Variants in GABRG3 observed in about 807,000 individuals in gnomAD.
The protein encoded by GABRG3 is gamma-aminobutyric acid type A receptor subunit gamma3.
In GABRG3, 25 loss-of-function variants were observed where a neutral mutation model predicts 48.8. That is an observed-to-expected ratio of 0.51 (90% CI 0.37 to 0.72). The LOEUF (loss-of-function observed/expected upper bound fraction) is 0.72. Among genes scored for constraint, GABRG3 ranks in the 30% least tolerant of loss-of-function variants. The probability of loss-of-function intolerance (pLI) is 0.00; values close to 1 mark genes in which losing one functional copy is unlikely to be tolerated. For missense variants in GABRG3, 394 were observed against 577.9 expected (o/e 0.68, Z 3.26); for synonymous variants, 227 against 217.6 (o/e 1.04, Z -0.38).
At chr15:27,353,597 C>A (rs1894722522) in intron 5 of GABRG3, among the ~76,000 whole-genome samples, 1 of 152,028 alleles carries the variant, frequency 6.6e-6, no homozygotes, top group Admixed American at 6.6e-5. Flanking sequence ...GTGTGCACCA[C>A]CACATCTGGC....
intron 3 of GABRG3, among the ~76,000 whole-genome samples, chr15:27,032,380 A>G (rs1262878067): frequency 3.3e-5 from 5 of 152,138 alleles, no homozygotes; most frequent in Non-Finnish European, 5.9e-5. Context: ...CTGATGTATT[A>G]GTCTGTTTGT....
intron 5 of GABRG3, among the ~76,000 whole-genome samples, chr15:27,354,077 G>A (rs957516781): frequency 4.6e-5 from 7 of 152,168 alleles, no homozygotes; most frequent in Non-Finnish European, 8.8e-5. Flanking sequence ...CTTTGGCTCA[G>A]ATCCAGGCCT....
chr15:27,032,158 T>G (rs74988805), intron 3 of GABRG3, among the ~76,000 whole-genome samples: 29,593 of 152,114 alleles, frequency 0.19, 3,102 homozygotes, highest in Middle Eastern at 0.22. Context: ...TCTGTGATGT[T>G]TTAAAGCTGT....
At chr15:27,530,798 ATAGCAAGGGAC>A in intron 9 of GABRG3, 1 of 456,386 alleles carries the variant, frequency 2.2e-6, no homozygotes, top group East Asian at 7.0e-5. Flanking sequence ...TTCCATCCAC[ATAGCAAGGGAC>A]TACACAGAGG....
intron 5 of GABRG3, among the ~76,000 whole-genome samples, chr15:27,478,052 A>C (rs1889999783): frequency 6.7e-6 from 1 of 149,716 alleles, no homozygotes; most frequent in Non-Finnish European, 1.5e-5. Context: ...ATGTCACAAA[A>C]AAAAAAAAAA....
At chr15:27,037,215 G>A (rs1896194325) in intron 3 of GABRG3, among the ~76,000 whole-genome samples, 1 of 152,184 alleles carries the variant, frequency 6.6e-6, no homozygotes, top group African/African-American at 2.4e-5. Context: ...AAACACATTT[G>A]TTGTGTGAGC....
In GABRG3 at chr15:27,159,940, C is replaced by T. The variant is rs1898535484; in HGVS notation, c.270+133119C>T. 3.3e-5 allele frequency among the ~76,000 whole-genome samples: 5 copies of T among 152,198 alleles called. No individual in the cohort carries two copies. In the South Asian group the frequency reaches 1.0e-3, roughly 32 times the overall value. On this transcript the variant is annotated intron_variant, in intron 3 of 9. Transcript: ENST00000615808. The stretch of plus-strand genomic sequence containing the variant: ...CTGTGATGGAAGCACACAGCCCTCT[C>T]CATGGGTTGGAAGGCTTTAGCCAAC...
At chr15:27,330,384 G>A (rs554510607) in intron 5 of GABRG3, among the ~76,000 whole-genome samples, 7 of 152,176 alleles carry the variant, frequency 4.6e-5, no homozygotes, top group East Asian at 3.9e-4. Context: ...TATGTTCATC[G>A]CTTATTTTAC....
intron 3 of GABRG3, among the ~76,000 whole-genome samples, chr15:27,178,151 T>G (rs1375948278): frequency 1.3e-5 from 2 of 152,194 alleles, no homozygotes; most frequent in Non-Finnish European, 2.9e-5. Context: ...GGAGCCTGAC[T>G]AAAGTTTGGT....
intron 5 of GABRG3, among the ~76,000 whole-genome samples, chr15:27,394,180 T>G (rs1168823090): frequency 6.6e-6 from 1 of 152,190 alleles, no homozygotes; most frequent in Non-Finnish European, 1.5e-5. Flanking sequence ...ACTGCCTTCT[T>G]GTGTATTAAA....
intron 3 of GABRG3, among the ~76,000 whole-genome samples, chr15:27,121,389 G>T (rs1308960266): frequency 6.6e-6 from 1 of 152,130 alleles, no homozygotes. Context: ...CCTTAAAGAG[G>T]GGCTCAACTT....
chr15:27,524,180 T>A (rs1179419284), intron 7 of GABRG3, among the ~76,000 whole-genome samples: 1 of 152,052 alleles, frequency 6.6e-6, no homozygotes, highest in Admixed American at 6.5e-5. Flanking sequence ...TGAATGACAA[T>A]GGATTTCTCA....
At chr15:27,025,329 A>G (rs569697160) in intron 2 of GABRG3, among the ~76,000 whole-genome samples, 111 of 152,358 alleles carry the variant, frequency 7.3e-4, no homozygotes, top group African/African-American at 2.5e-3. Context: ...ACCCTTTGGT[A>G]TAGCATAATC....
At chr15:27,033,713 G>C (rs1896127848) in intron 3 of GABRG3, among the ~76,000 whole-genome samples, 1 of 152,160 alleles carries the variant, frequency 6.6e-6, no homozygotes, top group South Asian at 2.1e-4. Flanking sequence ...CTTATATGTG[G>C]TTTTAATATT....
chr15:27,525,105 A>T (rs944974827), intron 7 of GABRG3, among the ~76,000 whole-genome samples: 3 of 152,176 alleles, frequency 2.0e-5, no homozygotes, highest in Admixed American at 2.0e-4. Context: ...ACCATGAAAT[A>T]CTACTCAGCA....
intron 3 of GABRG3, among the ~76,000 whole-genome samples, chr15:27,322,556 G>A (rs1893465551): frequency 6.6e-6 from 1 of 152,138 alleles, no homozygotes; most frequent in Non-Finnish European, 1.5e-5. Context: ...GTTTCAAGAG[G>A]GAAAGGCTAA....
At chr15:27,095,033 C>G (rs977626144) in intron 3 of GABRG3, among the ~76,000 whole-genome samples, 6 of 152,076 alleles carry the variant, frequency 3.9e-5, no homozygotes, top group African/African-American at 1.4e-4. Context: ...CAGTGTTTAA[C>G]CCTAATACAC....
intron 5 of GABRG3, among the ~76,000 whole-genome samples, chr15:27,378,224 G>A (rs1231930770): frequency 6.6e-6 from 1 of 151,982 alleles, no homozygotes; most frequent in Non-Finnish European, 1.5e-5. Flanking sequence ...AACAACTAAT[G>A]TCAGGCATAT....
chr15:27,488,884 A>C (rs114240161), intron 6 of GABRG3, among the ~76,000 whole-genome samples: 1 of 151,936 alleles, frequency 6.6e-6, no homozygotes, highest in Non-Finnish European at 1.5e-5. Flanking sequence ...ACTTTAAAAA[A>C]TTTTTTTTAT....
Sources: gnomAD v4.1 joint callset for allele counts (sites outside exome capture counted in the v4.1 genomes callset) on GRCh38, gnomAD v4.1.1 for gene constraint, MANE v1.5 for transcripts, NCBI Gene and HGNC (gene_info 2026-07-23, HGNC 2026-07-21) for gene names.